Variants in KHDC1 observed in about 807,000 individuals in gnomAD.
KHDC1 encodes KH domain containing 1.
A neutral mutation model predicts 24.7 loss-of-function variants in KHDC1; 21 were observed. The observed-to-expected ratio is 0.85, with a 90% CI of 0.60 to 1.23. The LOEUF (loss-of-function observed/expected upper bound fraction) is 1.23. Among genes scored for constraint, KHDC1 ranks in the 50% most tolerant of loss-of-function variants. KHDC1 has a pLI of 0.00. For missense variants in KHDC1, 274 were observed against 298.5 expected (o/e 0.92, Z 0.61); for synonymous variants, 98 against 111.7 (o/e 0.88, Z 0.77).
intron 2 of KHDC1, among the ~76,000 whole-genome samples, chr6:73,284,091 G>C (rs929834191): frequency 6.6e-6 from 1 of 152,018 alleles, no homozygotes; most frequent in African/African-American, 2.4e-5. Flanking sequence ...GATGATAATC[G>C]TTCCTCTCTA....
chr6:73,289,265 C>T (rs1417677538), intron 2 of KHDC1, among the ~76,000 whole-genome samples: 6 of 122,292 alleles, frequency 4.9e-5, no homozygotes, highest in Admixed American at 1.2e-4. Context: ...ACCCGGGAGG[C>T]GGTAGTTGCA....
intron 1 of KHDC1, among the ~76,000 whole-genome samples, chr6:73,309,079 C>T (rs1334067780): frequency 6.6e-6 from 1 of 152,222 alleles, no homozygotes; most frequent in African/African-American, 2.4e-5. Flanking sequence ...CCTTGGCCTC[C>T]CAAAGTGCAG....
At chr6:73,288,335 C>A (rs1472441157) in intron 2 of KHDC1, among the ~76,000 whole-genome samples, 1 of 152,160 alleles carries the variant, frequency 6.6e-6, no homozygotes, top group African/African-American at 2.4e-5. Context: ...AAACAGTTTT[C>A]TTGGGCCGGG....
intron 2 of KHDC1, chr6:73,268,903 C>T (rs12529624): frequency 0.28 from 42,519 of 154,528 alleles, 6,531 homozygotes; most frequent in African/African-American, 0.41. Context: ...GTCGATGGGA[C>T]TGGGCGCCAT....
chr6:73,241,449 G>T, exon 5 of KHDC1: 1 of 1,367,386 alleles, frequency 7.3e-7, no homozygotes, highest in Non-Finnish European at 1.0e-6. Context: ...TTTCCTCAGT[G>T]TCTATCATGT....
chr6:73,277,506 T>C (rs1038062246), intron 2 of KHDC1, among the ~76,000 whole-genome samples: 2 of 152,100 alleles, frequency 1.3e-5, no homozygotes, highest in Non-Finnish European at 2.9e-5. Context: ...TTTATCATGA[T>C]TTTCAGTAGC....
At chr6:73,262,875 T>C in intron 2 of KHDC1, 1 of 986,324 alleles carries the variant, frequency 1.0e-6, no homozygotes, top group Non-Finnish European at 1.2e-6. Flanking sequence ...AATTCAGGAC[T>C]GAGCATCTCA....
At chr6:73,292,607 C>G in intron 1 of KHDC1, 1 of 761,258 alleles carries the variant, frequency 1.3e-6, no homozygotes, top group South Asian at 1.4e-5. Flanking sequence ...ATGGCTCGTT[C>G]ACTGGTCTCT....
At chr6:73,293,029 T>C (rs1767684936) in intron 1 of KHDC1, 8 of 1,010,256 alleles carry the variant, frequency 7.9e-6, no homozygotes, top group Non-Finnish European at 1.2e-5. Context: ...TGAACATGAC[T>C]CCAGATGAAA....
At chr6:73,267,365 C>T (rs1767093034) in intron 2 of KHDC1, among the ~76,000 whole-genome samples, 1 of 152,118 alleles carries the variant, frequency 6.6e-6, no homozygotes, top group Non-Finnish European at 1.5e-5. Flanking sequence ...CGCCTGTAGT[C>T]CCAGCTACTT....
At chr6:73,245,414 G>A (rs553465015) in intron 2 of KHDC1, among the ~76,000 whole-genome samples, 2 of 152,298 alleles carry the variant, frequency 1.3e-5, no homozygotes, top group African/African-American at 4.8e-5. Context: ...GGGGAAGATT[G>A]TTGTTACCTA....
intron 1 of KHDC1, among the ~76,000 whole-genome samples, chr6:73,303,470 C>T (rs1767912043): frequency 6.6e-6 from 1 of 152,186 alleles, no homozygotes; most frequent in African/African-American, 2.4e-5. Context: ...GAAGTATCTC[C>T]TCCACAATAT....
intron 2 of KHDC1, among the ~76,000 whole-genome samples, chr6:73,279,769 A>G (rs1767371650): frequency 6.6e-6 from 1 of 152,004 alleles, no homozygotes; most frequent in Admixed American, 6.6e-5. Context: ...TCGTAGAGAC[A>G]GAGTTTTGCT....
intron 2 of KHDC1, among the ~76,000 whole-genome samples, chr6:73,243,233 T>G (rs76983650): frequency 0.013 from 1,995 of 152,324 alleles, 55 homozygotes; most frequent in African/African-American, 0.046. Flanking sequence ...CCTTGTTGCA[T>G]GACAATCACT....
At chr6:73,259,958 C>T (rs1262093574) in intron 2 of KHDC1, among the ~76,000 whole-genome samples, 1 of 152,126 alleles carries the variant, frequency 6.6e-6, no homozygotes, top group East Asian at 1.9e-4. Flanking sequence ...TAAAAGCTGT[C>T]CAGGGGGTAG....
intron 2 of KHDC1, among the ~76,000 whole-genome samples, chr6:73,243,694 T>A (rs186902054): frequency 1.3e-5 from 2 of 152,342 alleles, no homozygotes; most frequent in East Asian, 3.9e-4. Context: ...TCTATCTGAA[T>A]CTGTTCTAGA....
In KHDC1 at chr6:73,302,875, G is replaced by A. The variant is rs143801961; in HGVS notation, c.163+6677C>T. Among the ~76,000 whole-genome samples, 39 of 152,286 alleles carry A rather than the reference G, an allele frequency of 2.6e-4. 1 individual carries two copies. The East Asian group carries it at 6.8e-3, about 26-fold the overall frequency. On this transcript the variant is annotated intron_variant, in intron 1 of 4. Coordinates refer to ENST00000370384, the Ensembl canonical transcript of KHDC1. ...GCCGATCACATGAGGACAGGAGTTT[G>A]AGACCAGCCTAGCCAACATAGTGAA...
chr6:73,303,362 C>T (rs1767909897), intron 1 of KHDC1, among the ~76,000 whole-genome samples: 1 of 152,056 alleles, frequency 6.6e-6, no homozygotes. Flanking sequence ...AGAAAATCAC[C>T]ACTGGACCAC....
chr6:73,259,367 T>C (rs1582559318), intron 2 of KHDC1, among the ~76,000 whole-genome samples: 2 of 148,894 alleles, frequency 1.3e-5, no homozygotes, highest in Middle Eastern at 3.5e-3. Context: ...GGTGCAGTTA[T>C]AGTGCACTAG....
Sources: gnomAD v4.1 joint callset for allele counts (sites outside exome capture counted in the v4.1 genomes callset) on GRCh38, gnomAD v4.1.1 for gene constraint, MANE v1.5 for transcripts, NCBI Gene and HGNC (gene_info 2026-07-23, HGNC 2026-07-21) for gene names.